DGKG: variants seen among roughly 807,000 people sequenced by gnomAD.
The protein encoded by DGKG is DAG kinase gamma.
DGKG carries 78 observed loss-of-function variants against 105.3 expected under a neutral mutation model. That is an observed-to-expected ratio of 0.74 (90% CI 0.62 to 0.89). The LOEUF is 0.89. Among genes scored for constraint, DGKG ranks in the 40% least tolerant of loss-of-function variants. DGKG has a pLI of 0.00. For synonymous variants in DGKG, 346 were observed against 367.1 expected, an observed-to-expected ratio of 0.94 and a Z score of 0.66; for missense variants, 958 against 1,020.1, an observed-to-expected ratio of 0.94 and a Z score of 0.83.
At chr3:186,224,772 G>A (rs1434902789) in intron 20 of DGKG, among the ~76,000 whole-genome samples, 1 of 117,626 alleles carries the variant, frequency 8.5e-6, no homozygotes, top group African/African-American at 3.4e-5. Context: ...TTAACATCCT[G>A]TGGAAGGCAT....
intron 17 of DGKG, among the ~76,000 whole-genome samples, chr3:186,257,109 A>G (rs139997058): frequency 5.3e-5 from 8 of 152,316 alleles, no homozygotes; most frequent in African/African-American, 1.9e-4. Flanking sequence ...CCCAGGGCTC[A>G]TCGCTCAGGG....
Position 186,260,436 on chromosome 3 carries a change from T to C in DGKG, c.1424+3A>G, listed in dbSNP as rs1427223974. On this transcript the variant is annotated splice_donor_region_variant and intron_variant, in intron 16 of 24. Transcript: ENST00000265022. ...TAAGAGGTAAAGATTGTGATCTCCA[T>C]ACCCTGGAGTAGGCCCCCCATTGTC... 1.2e-6 allele frequency: 2 copies of C among 1,604,164 alleles called. No individual in the cohort carries two copies. Among genetic ancestry groups the C allele is most frequent in the Non-Finnish European group, 8.5e-7 (1 of 1,170,980 alleles).
intron 20 of DGKG, among the ~76,000 whole-genome samples, chr3:186,229,110 G>A (rs765527708): frequency 7.2e-5 from 11 of 152,180 alleles, no homozygotes; most frequent in Non-Finnish European, 1.3e-4. Context: ...AAAGATTTGC[G>A]TGACTGATAC....
chr3:186,196,213 C>G (rs1481541095), intron 21 of DGKG, among the ~76,000 whole-genome samples: 1 of 149,658 alleles, frequency 6.7e-6, no homozygotes, highest in Non-Finnish European at 1.5e-5. Flanking sequence ...TCTTGGCTCA[C>G]TGCAACCTCC....
intron 24 of DGKG, among the ~76,000 whole-genome samples, chr3:186,156,950 T>C (rs977281943): frequency 1.3e-5 from 2 of 152,052 alleles, no homozygotes; most frequent in African/African-American, 4.8e-5. Context: ...AATGACAGTT[T>C]TGACTCTTTT....
intron 21 of DGKG, among the ~76,000 whole-genome samples, chr3:186,206,900 C>T (rs1217059916): frequency 6.6e-6 from 1 of 152,148 alleles, no homozygotes; most frequent in East Asian, 1.9e-4. Context: ...TAGGCATGTG[C>T]CACCACACCC....
chr3:186,303,178 T>C (rs766725994), intron 3 of DGKG, among the ~76,000 whole-genome samples: 2 of 152,174 alleles, frequency 1.3e-5, no homozygotes, highest in Non-Finnish European at 2.9e-5. Context: ...CAAGGTGATA[T>C]CTGGGTTATA....
At chr3:186,306,206 G>A (rs547971537) in intron 3 of DGKG, among the ~76,000 whole-genome samples, 1 of 152,330 alleles carries the variant, frequency 6.6e-6, no homozygotes, top group Admixed American at 6.5e-5. Flanking sequence ...AATGAGTATA[G>A]AGAAGTATTT....
intron 10 of DGKG, among the ~76,000 whole-genome samples, chr3:186,272,949 G>C (rs1156324255): frequency 6.6e-6 from 1 of 151,974 alleles, no homozygotes; most frequent in Non-Finnish European, 1.5e-5. Flanking sequence ...GGCTGGTCTC[G>C]AACTCCTGAC....
chr3:186,149,292 T>A lies in DGKG; in HGVS notation c.*798A>T. ...TTATGACACCAATTTGAAAAATAAA[T>A]CCCAGTTTCTCCGCTCTCCCTCCCA... is the stretch of plus-strand genomic sequence containing the variant. On this transcript the variant is annotated 3_prime_UTR_variant, in exon 25 of 25. Transcript: ENST00000265022. 1 of 985,056 alleles carries A rather than the reference T, an allele frequency of 1.0e-6. No homozygotes were observed. Among genetic ancestry groups the A allele is most frequent in the Non-Finnish European group, 1.2e-6 (1 of 829,846 alleles). 61.0% of individuals were successfully genotyped at this position (985,056 alleles called of 1,614,324 possible).
chr3:186,201,170 TA>T (rs920845109), intron 21 of DGKG, among the ~76,000 whole-genome samples: 8 of 151,810 alleles, frequency 5.3e-5, no homozygotes, highest in Non-Finnish European at 1.2e-4. Context: ...TTTTTTTTTT[TA>T]AACTAGTGTG....
intron 20 of DGKG, among the ~76,000 whole-genome samples, chr3:186,220,120 A>G (rs562464928): frequency 5.3e-5 from 8 of 152,370 alleles, no homozygotes; most frequent in African/African-American, 1.9e-4. Context: ...TATATCAGTT[A>G]CTGCTTGGTA....
intron 1 of DGKG, among the ~76,000 whole-genome samples, chr3:186,346,812 T>C (rs1726358495): frequency 2.0e-5 from 3 of 152,322 alleles, no homozygotes; most frequent in Middle Eastern, 3.4e-3. Flanking sequence ...ATTTCTTAAA[T>C]GTAAAGTCCC....
chr3:186,249,551 T>C (rs1388980244), intron 19 of DGKG, among the ~76,000 whole-genome samples: 1 of 152,160 alleles, frequency 6.6e-6, no homozygotes, highest in Non-Finnish European at 1.5e-5. Flanking sequence ...ATTAAAAAAA[T>C]AAAACCTAGG....
chr3:186,166,886 A>G (rs1259541882), intron 22 of DGKG, among the ~76,000 whole-genome samples: 1 of 152,158 alleles, frequency 6.6e-6, no homozygotes. Flanking sequence ...TGATAGTCCA[A>G]TGTTTTCCCT....
chr3:186,301,759 A>C (rs1310988079), intron 3 of DGKG, among the ~76,000 whole-genome samples: 1 of 152,228 alleles, frequency 6.6e-6, no homozygotes, highest in Non-Finnish European at 1.5e-5. Context: ...AATTAGATGA[A>C]TGTAAATAGA....
intron 5 of DGKG, among the ~76,000 whole-genome samples, chr3:186,295,561 T>C (rs1012084626): frequency 2.7e-5 from 4 of 146,034 alleles, no homozygotes; most frequent in East Asian, 2.0e-4. Context: ...GCATTCTTTT[T>C]CCCCTGGGCA....
At chr3:186,347,873 G>T (rs112245334) in intron 1 of DGKG, among the ~76,000 whole-genome samples, 1 of 152,024 alleles carries the variant, frequency 6.6e-6, no homozygotes, top group Non-Finnish European at 1.5e-5. Context: ...ATGAGCCTCC[G>T]CACCCAGCCC....
At chr3:186,275,022 T>C (rs1031388426) in intron 10 of DGKG, among the ~76,000 whole-genome samples, 5 of 152,174 alleles carry the variant, frequency 3.3e-5, no homozygotes, top group Admixed American at 3.3e-4. Context: ...AAAGTGTTCC[T>C]ATTTCTCCAC....
Sources: gnomAD v4.1 joint callset for allele counts (sites outside exome capture counted in the v4.1 genomes callset) on GRCh38, gnomAD v4.1.1 for gene constraint, MANE v1.5 for transcripts, NCBI Gene and HGNC (gene_info 2026-07-23, HGNC 2026-07-21) for gene names.